The following NTRK3 variants were observed in gnomAD, a reference collection of about 807,000 sequenced individuals.
NTRK3 encodes neurotrophic receptor tyrosine kinase 3, also known as NT-3 growth factor receptor.
NTRK3 carries 24 observed loss-of-function variants against 91.7 expected under a neutral mutation model. The observed-to-expected ratio is 0.26, with a 90% CI of 0.19 to 0.37. NTRK3 has a LOEUF of 0.37. NTRK3 is among the 10% of genes least tolerant of loss of function. NTRK3 has a pLI of 1.00. For synonymous variants in NTRK3, 483 were observed against 404.0 expected (o/e 1.20, Z -2.34); for missense variants, 880 against 1,068.9 (o/e 0.82, Z 2.46).
rs112418661 is a variant in NTRK3 at position 88,154,264 on chromosome 15, T to C, written c.396-6861A>G. Among the ~76,000 whole-genome samples, 425 of 152,256 alleles carry C rather than the reference T, an allele frequency of 2.8e-3. 3 individuals carry two copies. The Middle Eastern group carries it at 0.031, about 11-fold the overall frequency. On this transcript the variant is annotated intron_variant, in intron 5 of 18. Transcript: ENST00000394480. ...CTCCACACCAGAGGTATCTGCAGCC[T>C]ACCACCAAAGGAGCTGTTAGGGGGC...
chr15:87,946,063 A>T (rs2070463035), intron 14 of NTRK3: 1 of 152,172 alleles, frequency 6.6e-6, no homozygotes, highest in Admixed American at 6.5e-5. Flanking sequence ...GGAGCTCAAT[A>T]CCTATCTTGC....
At chr15:87,879,892 T>C (rs919579915) in intron 18 of NTRK3, among the ~76,000 whole-genome samples, 1 of 152,162 alleles carries the variant, frequency 6.6e-6, no homozygotes, top group African/African-American at 2.4e-5. Flanking sequence ...AAAACCTTTG[T>C]GCACCCAGAT....
At chr15:88,085,310 C>G (rs1031024762) in intron 13 of NTRK3, among the ~76,000 whole-genome samples, 1 of 152,174 alleles carries the variant, frequency 6.6e-6, no homozygotes, top group Non-Finnish European at 1.5e-5. Context: ...CATGTCTCTG[C>G]CCCACTGACT....
At chr15:88,139,766 G>C (rs1246981454) in intron 6 of NTRK3, among the ~76,000 whole-genome samples, 1 of 152,148 alleles carries the variant, frequency 6.6e-6, no homozygotes, top group Non-Finnish European at 1.5e-5. Context: ...AGACAGCACA[G>C]TTTCAAACCT....
chr15:87,988,814 A>G (rs775902186), intron 14 of NTRK3, among the ~76,000 whole-genome samples: 1 of 152,150 alleles, frequency 6.6e-6, no homozygotes, highest in African/African-American at 2.4e-5. Flanking sequence ...TATTTCTTTT[A>G]TCTTATTGAA....
exon 19 of NTRK3, chr15:87,864,282 C>T: frequency 4.3e-6 from 1 of 232,264 alleles, no homozygotes. Context: ...GCCTCCACAT[C>T]TGATAGAATT....
intron 14 of NTRK3, among the ~76,000 whole-genome samples, chr15:88,010,653 A>T (rs2076813859): frequency 6.6e-6 from 1 of 152,168 alleles, no homozygotes; most frequent in Non-Finnish European, 1.5e-5. Flanking sequence ...TTTTATTTTT[A>T]AAATATGCAT....
chr15:88,059,531 T>C (rs1041965617), intron 13 of NTRK3, among the ~76,000 whole-genome samples: 1 of 152,118 alleles, frequency 6.6e-6, no homozygotes, highest in Non-Finnish European at 1.5e-5. Flanking sequence ...GCTCCACTCA[T>C]ATTCCACTCT....
At chr15:87,916,496 G>A in intron 17 of NTRK3, 1 of 701,960 alleles carries the variant, frequency 1.4e-6, no homozygotes, top group Non-Finnish European at 2.6e-6. Context: ...CAACGTCTCA[G>A]AATTTTCTTA....
chr15:87,940,286 G>A (rs936907618), intron 15 of NTRK3, among the ~76,000 whole-genome samples: 3 of 152,170 alleles, frequency 2.0e-5, no homozygotes, highest in Non-Finnish European at 4.4e-5. Flanking sequence ...CAGACAGCAC[G>A]TCCTGTAAAG....
At chr15:88,037,751 A>G (rs2079192363) in intron 13 of NTRK3, among the ~76,000 whole-genome samples, 1 of 152,224 alleles carries the variant, frequency 6.6e-6, no homozygotes, top group African/African-American at 2.4e-5. Context: ...TTGAGGAGTT[A>G]GTTGGAGAAA....
chr15:88,170,626 G>T (rs1247273581), intron 5 of NTRK3, among the ~76,000 whole-genome samples: 1 of 152,176 alleles, frequency 6.6e-6, no homozygotes, highest in Non-Finnish European at 1.5e-5. Context: ...GAACAGGTCT[G>T]CACTCTTTCT....
At chr15:88,116,480 C>T (rs987251297) in intron 13 of NTRK3, among the ~76,000 whole-genome samples, 25 of 151,818 alleles carry the variant, frequency 1.6e-4, no homozygotes, top group Non-Finnish European at 3.4e-4. Context: ...ATCTTATAGT[C>T]ACAAAATCCC....
chr15:88,061,669 T>C (rs979213488), intron 13 of NTRK3, among the ~76,000 whole-genome samples: 14 of 152,212 alleles, frequency 9.2e-5, no homozygotes, highest in African/African-American at 3.1e-4. Flanking sequence ...ATCTGGTGCC[T>C]GGCAGGGTGG....
chr15:88,073,906 CTTTG>C (rs775477514), intron 13 of NTRK3, among the ~76,000 whole-genome samples: 27 of 151,826 alleles, frequency 1.8e-4, no homozygotes, highest in Admixed American at 4.6e-4. Context: ...GTTTTTATTT[CTTTG>C]TTTGTTTCTT....
chr15:88,118,856 A>T (rs2052394700), intron 13 of NTRK3, among the ~76,000 whole-genome samples: 1 of 152,180 alleles, frequency 6.6e-6, no homozygotes, highest in Non-Finnish European at 1.5e-5. Flanking sequence ...ATTTGCAACA[A>T]CACGAGTCAG....
chr15:87,888,975 G>A (rs2065702761), intron 17 of NTRK3, among the ~76,000 whole-genome samples: 1 of 152,158 alleles, frequency 6.6e-6, no homozygotes, highest in Non-Finnish European at 1.5e-5. Flanking sequence ...AGACTGATGA[G>A]TTAGGGATAC....
chr15:88,053,164 C>T (rs778777295), intron 13 of NTRK3, among the ~76,000 whole-genome samples: 2 of 152,150 alleles, frequency 1.3e-5, no homozygotes, highest in Non-Finnish European at 2.9e-5. Context: ...ATAACTAAAC[C>T]AATAAATATA....
chr15:88,082,242 C>A (rs911549930), intron 13 of NTRK3, among the ~76,000 whole-genome samples: 1 of 149,390 alleles, frequency 6.7e-6, no homozygotes, highest in Non-Finnish European at 1.5e-5. Context: ...CGTGCCACTG[C>A]ACTCCAGCCT....
Sources: gnomAD v4.1 joint callset for allele counts (sites outside exome capture counted in the v4.1 genomes callset) on GRCh38, gnomAD v4.1.1 for gene constraint, MANE v1.5 for transcripts, NCBI Gene and HGNC (gene_info 2026-07-23, HGNC 2026-07-21) for gene names.